Variants in KIAA1217 observed in about 807,000 individuals in gnomAD.
KIAA1217 encodes the protein KIAA1217.
A neutral mutation model predicts 163.9 loss-of-function variants in KIAA1217; 88 were observed. The ratio of observed to expected loss-of-function variants is 0.54; its 90% CI spans 0.45 to 0.64. KIAA1217 has a LOEUF of 0.64. Among genes scored for constraint, KIAA1217 ranks in the 30% least tolerant of loss-of-function variants. The pLI is 0.00. For synonymous variants in KIAA1217, 903 were observed against 923.1 expected (o/e 0.98, Z 0.39); for missense variants, 2,372 against 2,475.0 (o/e 0.96, Z 0.88).
intron 2 of KIAA1217, among the ~76,000 whole-genome samples, chr10:24,371,334 A>T (rs1439790876): frequency 6.6e-6 from 1 of 152,212 alleles, no homozygotes; most frequent in African/African-American, 2.4e-5. Context: ...AGAATACTGT[A>T]TCATCTACAA....
intron 1 of KIAA1217, among the ~76,000 whole-genome samples, chr10:23,875,718 A>G (rs1840658611): frequency 1.3e-5 from 2 of 152,028 alleles, no homozygotes; most frequent in Non-Finnish European, 2.9e-5. Context: ...ACAATGATAG[A>G]CTGGATTAAG....
At chr10:23,748,103 A>G (rs1031939404) in intron 1 of KIAA1217, among the ~76,000 whole-genome samples, 3 of 152,046 alleles carry the variant, frequency 2.0e-5, no homozygotes, top group African/African-American at 4.8e-5. Context: ...AGCCCCTCCA[A>G]GGTAGGTTAT....
At chr10:23,914,250 G>T (rs1395537904) in intron 1 of KIAA1217, among the ~76,000 whole-genome samples, 1 of 152,122 alleles carries the variant, frequency 6.6e-6, no homozygotes, top group Non-Finnish European at 1.5e-5. Flanking sequence ...CTGCACAGGG[G>T]TGTGATGGGC....
chr10:24,092,792 G>A (rs2061983440), intron 2 of KIAA1217, among the ~76,000 whole-genome samples: 1 of 151,716 alleles, frequency 6.6e-6, no homozygotes, highest in South Asian at 2.1e-4. Flanking sequence ...AAAATGTCAG[G>A]GTGATGGAAC....
chr10:24,234,103 T>C (rs987845228), intron 2 of KIAA1217, among the ~76,000 whole-genome samples: 7 of 151,924 alleles, frequency 4.6e-5, no homozygotes, highest in Non-Finnish European at 1.0e-4. Flanking sequence ...TTAATACAGG[T>C]TGAGTATCCC....
chr10:24,042,719 A>T (rs1304550653), intron 2 of KIAA1217, among the ~76,000 whole-genome samples: 1 of 152,208 alleles, frequency 6.6e-6, no homozygotes, highest in African/African-American at 2.4e-5. Flanking sequence ...AATGAATGAG[A>T]TAAGAAATGC....
chr10:24,343,065 T>C (rs2047299605), intron 2 of KIAA1217, among the ~76,000 whole-genome samples: 1 of 152,228 alleles, frequency 6.6e-6, no homozygotes, highest in Non-Finnish European at 1.5e-5. Flanking sequence ...TGTCTTTCTC[T>C]AACTGCAACT....
At chr10:23,934,105 C>T (rs1344819835) in intron 1 of KIAA1217, among the ~76,000 whole-genome samples, 1 of 152,124 alleles carries the variant, frequency 6.6e-6, no homozygotes, top group Non-Finnish European at 1.5e-5. Context: ...TACTACAGCA[C>T]TGTTTACAAT....
chr10:24,379,581 A>G (rs2053006199), intron 2 of KIAA1217, among the ~76,000 whole-genome samples: 1 of 152,130 alleles, frequency 6.6e-6, no homozygotes, highest in Admixed American at 6.5e-5. Context: ...TGTCTGGATA[A>G]TGCAATTGGT....
intron 9 of KIAA1217, among the ~76,000 whole-genome samples, chr10:24,501,898 G>C (rs901340554): frequency 2.0e-5 from 3 of 151,498 alleles, no homozygotes; most frequent in African/African-American, 7.3e-5. Flanking sequence ...ACAGGCGCCC[G>C]CCACCACGCC....
At chr10:24,104,211 C>A (rs1240815618) in intron 2 of KIAA1217, among the ~76,000 whole-genome samples, 2 of 152,178 alleles carry the variant, frequency 1.3e-5, no homozygotes, top group Admixed American at 1.3e-4. Flanking sequence ...AAAACCTTTA[C>A]ACAGTTGTTT....
At chr10:24,265,304 A>T (rs1227822118) in intron 2 of KIAA1217, among the ~76,000 whole-genome samples, 1 of 152,234 alleles carries the variant, frequency 6.6e-6, no homozygotes, top group Non-Finnish European at 1.5e-5. Context: ...ATTAGGTCAA[A>T]TAACAATCGT....
At chr10:24,205,302 C>CAAAA (rs61292023), upstream of KIAA1217, among the ~76,000 whole-genome samples, 14 of 36,610 alleles carry the variant, frequency 3.8e-4, 1 homozygote, top group African/African-American at 6.4e-4. Flanking sequence ...ACTAAAAATA[C>CAAAA]AAAAAAAAAA....
At chr10:24,408,256 G>A (rs7898938) in intron 3 of KIAA1217, among the ~76,000 whole-genome samples, 7,088 of 152,184 alleles carry the variant, frequency 0.047, 218 homozygotes, top group South Asian at 0.11. Flanking sequence ...CATAAGTTGG[G>A]GGTATTTTTG....
At chr10:23,701,921 C>A (rs889207676) in intron 1 of KIAA1217, among the ~76,000 whole-genome samples, 2 of 152,198 alleles carry the variant, frequency 1.3e-5, no homozygotes, top group Non-Finnish European at 2.9e-5. Flanking sequence ...ATAGCACCTT[C>A]AGTCCTGAGT....
At chr10:24,322,824 G>A (rs1187644975) in intron 2 of KIAA1217, among the ~76,000 whole-genome samples, 1 of 152,196 alleles carries the variant, frequency 6.6e-6, no homozygotes. Flanking sequence ...GAGGTGCAGA[G>A]TGAATGGACC....
chr10:23,968,906 T>G (rs911816713), intron 1 of KIAA1217, among the ~76,000 whole-genome samples: 3 of 152,236 alleles, frequency 2.0e-5, no homozygotes, highest in Non-Finnish European at 4.4e-5. Flanking sequence ...CTTCTCCTAT[T>G]TGACCATTAT....
chr10:24,061,047 G>T (rs1273913364), intron 2 of KIAA1217, among the ~76,000 whole-genome samples: 6 of 152,030 alleles, frequency 3.9e-5, no homozygotes, highest in Non-Finnish European at 7.4e-5. Flanking sequence ...TTTTCTGTAT[G>T]TCTTATGGTT....
chr10:24,242,785 C>T (rs142983238), intron 2 of KIAA1217, among the ~76,000 whole-genome samples: 5 of 152,098 alleles, frequency 3.3e-5, no homozygotes, highest in Admixed American at 1.3e-4. Context: ...CCATTCTGAC[C>T]GGTGTGAGAT....
Sources: gnomAD v4.1 joint callset for allele counts (sites outside exome capture counted in the v4.1 genomes callset) on GRCh38, gnomAD v4.1.1 for gene constraint, MANE v1.5 for transcripts, NCBI Gene and HGNC (gene_info 2026-07-23, HGNC 2026-07-21) for gene names.